MYBPC1: variants seen among roughly 807,000 people sequenced by gnomAD.
MYBPC1 encodes the protein myosin binding protein C1, also known as myosin-binding protein C, slow-type.
MYBPC1 carries 52 observed loss-of-function variants against 147.1 expected under a neutral mutation model. The ratio of observed to expected loss-of-function variants is 0.35; its 90% CI spans 0.28 to 0.45. MYBPC1 has a LOEUF of 0.45. Ranked by LOEUF, MYBPC1 falls within the 20% of genes least tolerant of loss-of-function variation. The probability of loss-of-function intolerance (pLI) is 1.00; values close to 1 mark genes in which losing one functional copy is unlikely to be tolerated. For synonymous variants in MYBPC1, 477 were observed against 475.9 expected (o/e 1.00, Z -0.03); for missense variants, 1,228 against 1,440.3 (o/e 0.85, Z 2.39).
At chr12:101,650,267 G>C (rs1894151023) in intron 15 of MYBPC1, among the ~76,000 whole-genome samples, 2 of 152,144 alleles carry the variant, frequency 1.3e-5, no homozygotes, top group African/African-American at 4.8e-5. Flanking sequence ...GGGTTTGTAG[G>C]GGAAATGGGA....
At position 101,662,375 on chromosome 12, in the gene MYBPC1, A is replaced by G; in HGVS notation, c.2050A>G (p.Lys684Glu). 6.2e-7 allele frequency: 1 copy of G among 1,614,210 alleles called. No individual in the cohort carries two copies. The highest frequency in any genetic ancestry group is 1.1e-5 in the South Asian group (1 of 91,088). ...SPILGYFIER[K>E]KKQSSRWMRL... ...ACCTGCAGGATATTTTATTGAGAGG[A>G]AGAAGAAACAAAGCTCCAGGTGGAT... Residue 684 changes from lysine to glutamate, a missense_variant, in exon 21 of 32, where the codon AAG becomes GAG. Transcript: ENST00000361466.
Position 101,631,626 on chromosome 12 carries a change from C to G in MYBPC1, c.345C>G (p.Pro115=), listed in dbSNP as rs1349846023. The part of the protein sequence containing the change: ...KVKAEDLLRK[P]TIKWFKGKWM... Reference sequence around the variant, plus strand: ...AGGCTGAAGATCTTCTGAGAAAACCCACTATCAAATGGTTCAAAGGAAAAT... The same window carrying G: ...AGGCTGAAGATCTTCTGAGAAAACCGACTATCAAATGGTTCAAAGGAAAAT... Residue 115 remains proline, a synonymous_variant, in exon 7 of 32, where the codon CCC becomes CCG. Transcript: ENST00000361466. 2 of 1,614,196 alleles carry G rather than the reference C, an allele frequency of 1.2e-6. No homozygotes were observed. Among genetic ancestry groups the G allele is most frequent in the Non-Finnish European group, 8.5e-7 (1 of 1,180,038 alleles).
intron 10 of MYBPC1, among the ~76,000 whole-genome samples, chr12:101,638,848 A>T (rs1891477687): frequency 6.6e-6 from 1 of 152,142 alleles, no homozygotes. Flanking sequence ...TCATAATTAG[A>T]TTGTTGTTAA....
intron 7 of MYBPC1, 28 bp downstream of exon 7, chr12:101,631,747 G>A (rs191727518): frequency 9.3e-6 from 15 of 1,613,534 alleles, no homozygotes; most frequent in African/African-American, 1.3e-5. Flanking sequence ...CAGGACAGGC[G>A]CTCAGCTAGC....
chr12:101,677,168 T>C (rs537333156), intron 26 of MYBPC1, 67 bp from the exon 27 acceptor site: 1 of 1,509,146 alleles, frequency 6.6e-7, no homozygotes, highest in Non-Finnish European at 9.1e-7. Context: ...TTTATCCCAA[T>C]CTACAGTTAG....
intron 9 of MYBPC1, among the ~76,000 whole-genome samples, chr12:101,635,605 T>C (rs1478556912): frequency 2.0e-5 from 3 of 152,214 alleles, no homozygotes; most frequent in Non-Finnish European, 4.4e-5. Flanking sequence ...TCTAAAACTA[T>C]GCTCATACTG....
chr12:101,634,672 T>G, intron 9 of MYBPC1, 67 bp downstream of exon 9: 1 of 1,285,738 alleles, frequency 7.8e-7, no homozygotes, highest in Non-Finnish European at 1.1e-6. Flanking sequence ...TCAAACACAT[T>G]TCCTTTCCCC....
At chr12:101,634,510 C>T (rs1890608508) in intron 8 of MYBPC1, 44 bp from the exon 9 acceptor site, 1 of 1,487,212 alleles carries the variant, frequency 6.7e-7, no homozygotes, top group African/African-American at 1.4e-5. Flanking sequence ...CACAAACTAC[C>T]TCCTTAATGG....
intron 5 of MYBPC1, among the ~76,000 whole-genome samples, chr12:101,628,502 A>G (rs2136012762): frequency 6.6e-6 from 1 of 152,310 alleles, no homozygotes; most frequent in Non-Finnish European, 1.5e-5. Context: ...ATCAAGCATG[A>G]TTGATACATG....
At position 101,667,824 on chromosome 12, in the gene MYBPC1, G is replaced by A; in HGVS notation, c.2449G>A (p.Val817Met). Residue 817 changes from valine to methionine, a missense_variant, in exon 23 of 32, where the codon GTG becomes ATG. Val to Met is a conservative substitution (Grantham distance 21). Around this residue, in one of 2 missense-constraint regions of MYBPC1, gnomAD observed 1,077 missense variants for 1,314.2 expected, o/e 0.82. Coordinates refer to ENST00000361466, the MANE Select transcript of MYBPC1 (RefSeq NM_002465.4). ...LPTDAKIFVR[V>M]KAVNAAGASE... Reference sequence around the variant, plus strand: ...AACAGATGCAAAGATCTTTGTGCGTGTGAAGGCTGTTAATGCAGCTGGTGC... The same window carrying A: ...AACAGATGCAAAGATCTTTGTGCGTATGAAGGCTGTTAATGCAGCTGGTGC... The A allele has an allele frequency of 6.2e-7, 1 of 1,614,214 alleles. No individual in the cohort carries two copies. The highest frequency in any genetic ancestry group is 1.1e-5 in the South Asian group (1 of 91,082).
chr12:101,695,817 A>T, the MYBPC1 span, among the ~76,000 whole-genome samples: 1 of 152,144 alleles, frequency 6.6e-6, no homozygotes, highest in South Asian at 2.1e-4. Context: ...TGTGAGAGAG[A>T]AATAAATTCC....
intron 24 of MYBPC1, 64 bp from the exon 25 acceptor site, chr12:101,673,363 T>C: frequency 6.4e-7 from 1 of 1,553,318 alleles, no homozygotes; most frequent in Non-Finnish European, 8.9e-7. Flanking sequence ...CTTCTCATAA[T>C]GCTGAAGAAA....
intron 26 of MYBPC1, 149 bp downstream of exon 26, chr12:101,675,580 C>A: frequency 8.2e-7 from 1 of 1,224,148 alleles, no homozygotes; most frequent in Non-Finnish European, 1.2e-6. Flanking sequence ...ACCTGTGGAG[C>A]CACAGAGCTG....
chr12:101,596,698 A>G (rs1316892281), intron 1 of MYBPC1, among the ~76,000 whole-genome samples: 1 of 152,258 alleles, frequency 6.6e-6, no homozygotes, highest in Non-Finnish European at 1.5e-5. Context: ...ACTCAGTCTG[A>G]TTCACTCTTT....
chr12:101,629,425 G>A lies in MYBPC1; in HGVS notation c.179-9G>A. The stretch of plus-strand genomic sequence containing the variant: ...TGAAATAATCCTTTTCCTCCTTTCT[G>A]CTCATCAGACTGGACCCTTGTCGAA... On this transcript the variant is annotated splice_polypyrimidine_tract_variant and intron_variant, in intron 5 of 31. Transcript: ENST00000361466. 6.3e-7 allele frequency: 1 copy of A among 1,578,602 alleles called. No individual in the cohort carries two copies. Among genetic ancestry groups the A allele is most frequent in the Non-Finnish European group, 8.7e-7 (1 of 1,148,266 alleles).
At chr12:101,665,671 T>G (rs1897296602) in intron 22 of MYBPC1, among the ~76,000 whole-genome samples, 1 of 152,210 alleles carries the variant, frequency 6.6e-6, no homozygotes, top group African/African-American at 2.4e-5. Context: ...GGTTCCAATG[T>G]GAAGAGATGG....
chr12:101,617,126 C>A, intron 2 of MYBPC1, 76 bp from the exon 3 acceptor site: 1 of 1,387,298 alleles, frequency 7.2e-7, no homozygotes, highest in Non-Finnish European at 1.0e-6. Flanking sequence ...TTCCCTCCCC[C>A]TCTCCACCCC....
Position 101,642,571 on chromosome 12 carries a change from A to C in MYBPC1, c.818A>C (p.Glu273Ala), listed in dbSNP as rs1892275936. ...LKRLKRMRRE[E>A]KKSAAFAKIL... ...CGACTCAAGCGCATGCGCAGAGAGG[A>C]GAAGAAGAGCGCAGGTGAGCGCTCC... The change falls in exon 11 of 32, where the codon GAG becomes GCG. Residue 273 changes from glutamate to alanine, a missense_variant. Around this residue, in one of 2 missense-constraint regions of MYBPC1, gnomAD observed 1,077 missense variants for 1,314.2 expected, o/e 0.82. Coordinates refer to ENST00000361466, the MANE Select transcript of MYBPC1 (RefSeq NM_002465.4). 4.3e-6 allele frequency: 7 copies of C among 1,611,822 alleles called. No homozygotes were observed. The East Asian group carries it at 1.6e-4, about 36-fold the overall frequency.
intron 1 of MYBPC1, among the ~76,000 whole-genome samples, chr12:101,602,647 T>C (rs1421262356): frequency 6.6e-6 from 1 of 152,224 alleles, no homozygotes; most frequent in African/African-American, 2.4e-5. Context: ...ACTGATGGCA[T>C]TTCCCTCAAC....
Sources: gnomAD v4.1 joint callset for allele counts (sites outside exome capture counted in the v4.1 genomes callset) on GRCh38, gnomAD v4.1.1 for gene constraint, gnomAD v4.1.1 regional missense constraint, MANE v1.5 for transcripts, NCBI Gene and HGNC (gene_info 2026-07-23, HGNC 2026-07-21) for gene names.